Variants in LYG2 observed in about 807,000 individuals in gnomAD.
The protein encoded by LYG2 is lysozyme g2, also known as lysozyme g-like protein 2.
A neutral mutation model predicts 22.4 loss-of-function variants in LYG2; 25 were observed. That is an observed-to-expected ratio of 1.12 (90% CI 0.81 to 1.56). The LOEUF (loss-of-function observed/expected upper bound fraction) is 1.56. LYG2 is among the 40% of genes most tolerant of loss of function. LYG2 has a pLI of 0.00. For synonymous variants in LYG2, 88 were observed against 97.0 expected, an observed-to-expected ratio of 0.91 and a Z score of 0.55; for missense variants, 266 against 269.5, an observed-to-expected ratio of 0.99 and a Z score of 0.09.
chr2:99,242,787 T>G (rs541114981), intron 6 of LYG2, among the ~76,000 whole-genome samples: 75 of 152,336 alleles, frequency 4.9e-4, no homozygotes, highest in African/African-American at 1.8e-3. Flanking sequence ...TGAAAATGCT[T>G]GTAACATTCT....
In LYG2 at chr2:99,246,769, T is replaced by C; in HGVS notation, c.95A>G (p.His32Arg). 1 of 1,614,036 alleles carries C rather than the reference T, an allele frequency of 6.2e-7. No individual in the cohort carries two copies. Among genetic ancestry groups the C allele is most frequent in the Non-Finnish European group, 8.5e-7 (1 of 1,179,954 alleles). The stretch of plus-strand genomic sequence containing the variant: ...ATAGCAGCCGTGGTACAGGCGTGGA[T>C]GTAGGTGAGGCTTCATTGAGTGACT... ...PFSHSMKPHL[H>R]PRLYHGCYGD... The change falls in exon 4 of 7, where the codon CAT becomes CGT. Residue 32 changes from histidine (H) to arginine (R), a missense_variant. Physicochemically the swap from His to Arg is conservative, Grantham distance 29 (BLOSUM62 0). Transcript: ENST00000333017.
rs1313742745 is a variant in LYG2 at position 99,245,283 on chromosome 2, TC to T, written c.359del (p.Gly120AspfsTer6). On this transcript the variant is annotated frameshift_variant, in exon 5 of 7. Coordinates refer to ENST00000333017, the MANE Select transcript of LYG2 (RefSeq NM_175735.4). LOFTEE classifies it high-confidence loss of function. ...SVLQDGWDHR[G>X]LKFGLMQLDK... ...ATACCTGCATCAAGCCAAATTTAAG[TC>T]CCCTGTGGTCCCAGCCGTCTTGCAG... 5.6e-6 allele frequency: 9 copies of T among 1,605,054 alleles called. No individual in the cohort carries two copies. In the South Asian group the frequency reaches 1.0e-4, roughly 18 times the overall value.
At chr2:99,243,971 T>C in intron 6 of LYG2, 28 bp downstream of exon 6, 1 of 1,613,736 alleles carries the variant, frequency 6.2e-7, no homozygotes, top group Non-Finnish European at 8.5e-7. Flanking sequence ...ATTGCTCATT[T>C]AAACAAAGTA....
At chr2:99,253,762 C>T (rs1402176157) in intron 3 of LYG2, among the ~76,000 whole-genome samples, 2 of 152,144 alleles carry the variant, frequency 1.3e-5, no homozygotes, top group African/African-American at 4.8e-5. Context: ...TGACATGTCC[C>T]CCCCAAAAGC....
At chr2:99,256,813 G>A (rs2094037241), upstream of LYG2, among the ~76,000 whole-genome samples, 1 of 152,146 alleles carries the variant, frequency 6.6e-6, no homozygotes, top group African/African-American at 2.4e-5. Context: ...GGATTGTTCT[G>A]TTCACTCAAG....
intron 4 of LYG2, 23 bp from the exon 5 acceptor site, chr2:99,245,481 G>A: frequency 6.6e-7 from 1 of 1,506,398 alleles, no homozygotes; most frequent in Non-Finnish European, 9.1e-7. Flanking sequence ...AAAAGAAACT[G>A]TTTTTCCGGG....
In LYG2 at chr2:99,246,761, G is replaced by C. The variant is rs1462025469; in HGVS notation, c.103C>G (p.Leu35Val). 3 of 1,614,056 alleles carry C rather than the reference G, an allele frequency of 1.9e-6. No individual in the cohort carries two copies. Among genetic ancestry groups the C allele is most frequent in the Non-Finnish European group, 2.5e-6 (3 of 1,180,010 alleles). ...ATGTCCCCATAGCAGCCGTGGTACAGGCGTGGATGTAGGTGAGGCTTCATT... is the reference window on the plus strand; with the variant it reads ...ATGTCCCCATAGCAGCCGTGGTACACGCGTGGATGTAGGTGAGGCTTCATT... Reference protein sequence around the residue: ...HSMKPHLHPRLYHGCYGDIMT... With the variant: ...HSMKPHLHPRVYHGCYGDIMT... The change falls in exon 4 of 7, where the codon CTG (leucine) becomes GTG (valine). Residue 35 changes from leucine (L) to valine (V), a missense_variant. Coordinates refer to ENST00000333017, the MANE Select transcript of LYG2 (RefSeq NM_175735.4).
intron 3 of LYG2, among the ~76,000 whole-genome samples, chr2:99,247,354 G>C (rs187190444): frequency 2.6e-5 from 4 of 152,200 alleles, no homozygotes; most frequent in Non-Finnish European, 4.4e-5. Context: ...GCCTCCCAAA[G>C]TGCTGGGATT....
At chr2:99,248,223 C>A (rs1410526470) in intron 3 of LYG2, among the ~76,000 whole-genome samples, 2 of 152,276 alleles carry the variant, frequency 1.3e-5, no homozygotes, top group East Asian at 3.9e-4. Flanking sequence ...CCTGCCATCC[C>A]ATTACTGGGT....
chr2:99,251,411 CATT>C (rs1258941333), intron 3 of LYG2, among the ~76,000 whole-genome samples: 2 of 152,090 alleles, frequency 1.3e-5, no homozygotes, highest in African/African-American at 2.4e-5. Context: ...TTTACTGTCT[CATT>C]GTTGGTTGGT....
At chr2:99,248,728 T>TATA (rs994179227) in intron 3 of LYG2, among the ~76,000 whole-genome samples, 2 of 149,774 alleles carry the variant, frequency 1.3e-5, no homozygotes, top group African/African-American at 4.9e-5. Context: ...AAACTTAAAG[T>TATA]ATAATAATAA....
chr2:99,249,537 C>T lies in LYG2; in HGVS notation c.44-2717G>A, dbSNP rs576400417. ...CAGCACTTTGGGAGGCCAAGGCAGG[C>T]GGATCACCTGAGGTCGGGAGTTCAA... On this transcript the variant is annotated intron_variant, in intron 3 of 6. Coordinates refer to ENST00000333017, the MANE Select transcript of LYG2 (RefSeq NM_175735.4). Among the ~76,000 whole-genome samples, 7 of 151,890 alleles carry T rather than the reference C, an allele frequency of 4.6e-5. No homozygotes were observed. In the South Asian group the frequency reaches 6.2e-4, roughly 13 times the overall value.
intron 6 of LYG2, chr2:99,243,766 G>A: frequency 2.1e-6 from 1 of 468,938 alleles, no homozygotes; most frequent in East Asian, 3.8e-5. Flanking sequence ...CAATAGCTCA[G>A]TAAGCAATGA....
chr2:99,254,156 A>G (rs2094031818), intron 3 of LYG2, 62 bp downstream of exon 3: 3 of 1,409,962 alleles, frequency 2.1e-6, no homozygotes, highest in Non-Finnish European at 3.0e-6. Context: ...CTGATTCATG[A>G]TTGTGCTGGA....
At chr2:99,243,759 T>C (rs886247657) in intron 6 of LYG2, 4 of 385,250 alleles carry the variant, frequency 1.0e-5, no homozygotes, top group Non-Finnish European at 1.9e-5. Context: ...TATCACTCAA[T>C]AGCTCAGTAA....
At chr2:99,248,430 T>A (rs918490336) in intron 3 of LYG2, among the ~76,000 whole-genome samples, 1 of 151,952 alleles carries the variant, frequency 6.6e-6, no homozygotes, top group Non-Finnish European at 1.5e-5. Flanking sequence ...ATGTCCTTTG[T>A]AGGGACATGG....
In LYG2 at chr2:99,245,300, C is replaced by G; in HGVS notation, c.343G>C (p.Gly115Arg). Residue 115 changes from glycine (G) to arginine (R), a missense_variant, in exon 5 of 7, where the codon GGC (glycine) becomes CGC (arginine). Physicochemically the swap from Gly to Arg is moderately radical, Grantham distance 125. Coordinates refer to ENST00000333017, the MANE Select transcript of LYG2 (RefSeq NM_175735.4). ...AATTTAAGTCCCCTGTGGTCCCAGC[C>G]GTCTTGCAGGACAGATCCGCCATGG... ...ESHGGSVLQD[G>R]WDHRGLKFGL... The G allele has an allele frequency of 1.9e-6, 3 of 1,609,046 alleles. No homozygotes were observed. Among genetic ancestry groups the G allele is most frequent in the Non-Finnish European group, 2.5e-6 (3 of 1,177,506 alleles).
At chr2:99,250,242 A>G (rs1235327757) in intron 3 of LYG2, among the ~76,000 whole-genome samples, 1 of 152,126 alleles carries the variant, frequency 6.6e-6, no homozygotes, top group East Asian at 1.9e-4. Flanking sequence ...ATATCACCTT[A>G]TCAGCAGAAT....
upstream of LYG2, among the ~76,000 whole-genome samples, chr2:99,256,712 C>T (rs2094037033): frequency 6.6e-6 from 1 of 152,136 alleles, no homozygotes; most frequent in African/African-American, 2.4e-5. Context: ...TCCTTCTGCT[C>T]TCAGTTAGTG....
Sources: gnomAD v4.1 joint callset for allele counts (sites outside exome capture counted in the v4.1 genomes callset) on GRCh38, gnomAD v4.1.1 for gene constraint, MANE v1.5 for transcripts, NCBI Gene and HGNC (gene_info 2026-07-23, HGNC 2026-07-21) for gene names.